PRAG1: variants seen among roughly 807,000 people sequenced by gnomAD.
The protein encoded by PRAG1 is inactive tyrosine-protein kinase PRAG1.
A neutral mutation model predicts 95.6 loss-of-function variants in PRAG1; 110 were observed. The observed-to-expected ratio is 1.15, with a 90% CI of 0.99 to 1.35. The LOEUF (loss-of-function observed/expected upper bound fraction) is 1.35. Ranked by LOEUF, PRAG1 falls within the 40% of genes most tolerant of loss-of-function variation. The pLI is 0.00. For synonymous variants in PRAG1, 1,052 were observed against 819.4 expected (o/e 1.28, Z -4.85); for missense variants, 2,554 against 1,864.7 (o/e 1.37, Z -6.81).
intron 1 of PRAG1, among the ~76,000 whole-genome samples, chr8:8,384,495 T>G (rs2116957861): frequency 1.3e-5 from 2 of 149,660 alleles, no homozygotes; most frequent in Middle Eastern, 3.5e-3. Context: ...GGGAAGTCAT[T>G]GAATAAGAAA....
chr8:8,353,355 T>C (rs1185317091), intron 3 of PRAG1, among the ~76,000 whole-genome samples: 1 of 152,142 alleles, frequency 6.6e-6, no homozygotes. Flanking sequence ...ATATCTAGTA[T>C]TGTTTCCAAC....
Position 8,376,704 on chromosome 8 carries a change from G to A in PRAG1, c.1705C>T (p.Pro569Ser). 1 of 1,610,966 alleles carries A rather than the reference G, an allele frequency of 6.2e-7. No individual in the cohort carries two copies. The highest frequency in any genetic ancestry group is 8.5e-7 in the Non-Finnish European group (1 of 1,179,968). Residue 569 changes from proline to serine, a missense_variant, in exon 3 of 6, where the codon CCG (proline) becomes TCG (serine). Pro to Ser is a moderately conservative substitution (Grantham distance 74, BLOSUM62 -1). Coordinates refer to ENST00000615670, the MANE Select transcript of PRAG1 (RefSeq NM_001080826.3). ...SPSAGGPPVS[P>S]LADLSDGSSG... ...CTCCCATCACTAAGGTCAGCCAGCG[G>A]TGACACTGGGGGCCCTCCAGCAGAC...
intron 3 of PRAG1, among the ~76,000 whole-genome samples, chr8:8,370,361 TG>T (rs1800151174): frequency 6.6e-6 from 1 of 152,252 alleles, no homozygotes; most frequent in Non-Finnish European, 1.5e-5. Flanking sequence ...TGTGTATCTG[TG>T]GGGGCCACTG....
chr8:8,377,453 T>G lies in PRAG1; in HGVS notation c.956A>C (p.His319Pro), dbSNP rs1446461522. ...KECCSQGPTA[H>P]PSCLGPKKLS... is the part of the protein sequence containing the mutation. ...TTTCTTGGGGCCCAGGCAGGATGGG[T>G]GGGCAGTGGGGCCCTGGCTACAGCA... Residue 319 changes from histidine (H) to proline (P), a missense_variant, in exon 3 of 6, where the codon CAC becomes CCC. Transcript: ENST00000615670. 2 of 1,551,896 alleles carry G rather than the reference T, an allele frequency of 1.3e-6. No individual in the cohort carries two copies. The highest frequency in any genetic ancestry group is 1.2e-5 in the South Asian group (1 of 80,246).
chr8:8,323,809 A>G (rs1798544407), intron 5 of PRAG1, among the ~76,000 whole-genome samples: 2 of 152,276 alleles, frequency 1.3e-5, no homozygotes, highest in Admixed American at 6.5e-5. Context: ...GCATCGTGAG[A>G]ACTAAACATC....
chr8:8,364,950 T>C (rs1799955016), intron 3 of PRAG1, among the ~76,000 whole-genome samples: 1 of 152,196 alleles, frequency 6.6e-6, no homozygotes, highest in Non-Finnish European at 1.5e-5. Context: ...AAATTGTCTG[T>C]ACAGACAATT....
At chr8:8,373,098 G>A (rs1055557042) in intron 3 of PRAG1, among the ~76,000 whole-genome samples, 1 of 152,138 alleles carries the variant, frequency 6.6e-6, no homozygotes, top group Non-Finnish European at 1.5e-5. Flanking sequence ...CTTCCATTTT[G>A]GAAAACTGAC....
At position 8,374,931 on chromosome 8, in the gene PRAG1, T is replaced by C. The variant is rs137873160; in HGVS notation, c.2162+1316A>G. Among the ~76,000 whole-genome samples, 499 of 152,260 alleles carry C rather than the reference T, an allele frequency of 3.3e-3. 4 individuals carry two copies. Among genetic ancestry groups the C allele is most frequent in the Admixed American group, 0.013 (193 of 15,294 alleles). The stretch of plus-strand genomic sequence containing the variant: ...TCAGCTGAAACAGAACCACTTGAAA[T>C]GACATGACTCGAGAAAGTCTGTTCA... On this transcript the variant is annotated intron_variant, in intron 3 of 5. Transcript: ENST00000615670.
intron 5 of PRAG1, among the ~76,000 whole-genome samples, chr8:8,325,231 C>T (rs1798596836): frequency 6.6e-6 from 1 of 152,186 alleles, no homozygotes; most frequent in Non-Finnish European, 1.5e-5. Context: ...CCCCACGGCC[C>T]GCCCCCCCAA....
Position 8,333,620 on chromosome 8 carries a change from A to G in PRAG1, c.2321-5159T>C, listed in dbSNP as rs188721230. ...AGTCCTCTCTTCTTGCTGGGTTTTA[A>G]TAGGCACTTTCATTGTTCTCTGCAG... On this transcript the variant is annotated intron_variant, in intron 4 of 5. Transcript: ENST00000615670. 2.7e-4 allele frequency among the ~76,000 whole-genome samples: 41 copies of G among 152,326 alleles called. No homozygotes were observed. The East Asian group carries it at 7.5e-3, about 28-fold the overall frequency.
intron 3 of PRAG1, among the ~76,000 whole-genome samples, chr8:8,360,296 G>A (rs1799804965): frequency 6.6e-6 from 1 of 152,046 alleles, no homozygotes; most frequent in African/African-American, 2.4e-5. Context: ...TCCAAGCCCA[G>A]GGCCCCTTTT....
chr8:8,377,437 G>A lies in PRAG1; in HGVS notation c.972C>T (p.Gly324=). 1 of 1,557,166 alleles carries A rather than the reference G, an allele frequency of 6.4e-7. No homozygotes were observed. The highest frequency in any genetic ancestry group is 1.7e-4 in the Middle Eastern group (1 of 5,762). The change falls in exon 3 of 6, where the codon GGC becomes GGT. Residue 324 remains glycine (G), a synonymous_variant. Coordinates refer to ENST00000615670, the MANE Select transcript of PRAG1 (RefSeq NM_001080826.3). ...CCGAGGTGAGGGACAGTTTCTTGGGGCCCAGGCAGGATGGGTGGGCAGTGG... is the reference window on the plus strand; with the variant it reads ...CCGAGGTGAGGGACAGTTTCTTGGGACCCAGGCAGGATGGGTGGGCAGTGG... The part of the protein sequence containing the change: ...QGPTAHPSCL[G]PKKLSLTSEA...
intron 5 of PRAG1, among the ~76,000 whole-genome samples, chr8:8,322,362 A>C (rs1266923458): frequency 6.6e-6 from 1 of 152,014 alleles, no homozygotes; most frequent in Non-Finnish European, 1.5e-5. Context: ...TTGTATTTTT[A>C]GTAGAGACAG....
At chr8:8,359,225 T>C (rs1464357381) in intron 3 of PRAG1, among the ~76,000 whole-genome samples, 1 of 152,242 alleles carries the variant, frequency 6.6e-6, no homozygotes, top group Non-Finnish European at 1.5e-5. Flanking sequence ...TTTTAATATT[T>C]CTTGGCTTAA....
intron 3 of PRAG1, among the ~76,000 whole-genome samples, chr8:8,340,184 T>G (rs931184171): frequency 3.3e-5 from 5 of 152,206 alleles, no homozygotes; most frequent in Non-Finnish European, 5.9e-5. Flanking sequence ...AGACTTCCAG[T>G]GACATGCTTA....
chr8:8,352,152 G>A (rs534287301), intron 3 of PRAG1, among the ~76,000 whole-genome samples: 1 of 152,184 alleles, frequency 6.6e-6, no homozygotes, highest in Non-Finnish European at 1.5e-5. Flanking sequence ...AGCTTGAGAG[G>A]TTATTTGGAC....
chr8:8,362,349 C>A (rs998863153), intron 3 of PRAG1, among the ~76,000 whole-genome samples: 4 of 152,230 alleles, frequency 2.6e-5, no homozygotes, highest in African/African-American at 9.6e-5. Flanking sequence ...TCCAGAGTAT[C>A]TGGACCACCA....
rs533747308 is a variant in PRAG1, at chr8:8,317,779, T to C, written c.*375A>G. ...AAATTTTAATGGAATTTTCTTCTTTTTTTTTTTTCTTTAAATAACAATTTG... is the reference window on the plus strand; with the variant it reads ...AAATTTTAATGGAATTTTCTTCTTTCTTTTTTTTCTTTAAATAACAATTTG... On this transcript the variant is annotated 3_prime_UTR_variant, in exon 6 of 6. Coordinates refer to ENST00000615670, the MANE Select transcript of PRAG1 (RefSeq NM_001080826.3). 2.3e-3 allele frequency: 366 copies of C among 156,462 alleles called. No individual in the cohort carries two copies. Among genetic ancestry groups the C allele is most frequent in the African/African-American group, 8.3e-3 (348 of 41,708 alleles). The allele number at this position is 156,462 out of a possible 1,614,324, so 9.7% of individuals were successfully genotyped here.
chr8:8,338,448 A>G lies in PRAG1; in HGVS notation c.2320+1030T>C, dbSNP rs189168896. 1.1e-3 allele frequency among the ~76,000 whole-genome samples: 163 copies of G among 152,340 alleles called. 1 individual carries two copies. Among genetic ancestry groups the G allele is most frequent in the Non-Finnish European group, 1.3e-3 (89 of 68,028 alleles). ...TCGTGGTCGAGATGCACTGCCCTCT[A>G]TGGAATAATCTGCCTTGTTGAATTT... On this transcript the variant is annotated intron_variant, in intron 4 of 5. Coordinates refer to ENST00000615670, the MANE Select transcript of PRAG1 (RefSeq NM_001080826.3).
Sources: allele counts gnomAD v4.1 joint callset (sites outside exome capture counted in the v4.1 genomes callset), GRCh38; gene constraint gnomAD v4.1.1; transcripts MANE v1.5; gene names NCBI Gene and HGNC (gene_info 2026-07-23, HGNC 2026-07-21).